Variants in CEP44 observed in about 807,000 individuals in gnomAD.
CEP44 encodes the protein centrosomal protein of 44 kDa.
Under a neutral mutation model 46.7 loss-of-function variants are expected in CEP44, and 45 were observed. The ratio of observed to expected loss-of-function variants is 0.96; its 90% confidence interval spans 0.76 to 1.24. The LOEUF is 1.24. Among genes scored for constraint, CEP44 ranks in the 50% most tolerant of loss-of-function variants. The probability of loss-of-function intolerance (pLI) is 0.00; values close to 1 mark genes in which losing one functional copy is unlikely to be tolerated. For missense variants in CEP44, 475 were observed against 459.7 expected, an observed-to-expected ratio of 1.03 and a Z score of -0.30; for synonymous variants, 142 against 146.0, an observed-to-expected ratio of 0.97 and a Z score of 0.20.
chr4:174,285,896 T>G (rs755984379), intron 1 of CEP44, among the ~76,000 whole-genome samples: 2 of 152,256 alleles, frequency 1.3e-5, no homozygotes, highest in Non-Finnish European at 2.9e-5. Flanking sequence ...TGTGTCCATC[T>G]ACCCCCAGTC....
At chr4:174,299,929 GATTA>G (rs906326794) in intron 3 of CEP44, among the ~76,000 whole-genome samples, 5 of 152,092 alleles carry the variant, frequency 3.3e-5, no homozygotes, top group African/African-American at 4.8e-5. Flanking sequence ...TTTTATCATT[GATTA>G]ATTGATGGAT....
chr4:174,303,509 C>T (rs558883653), intron 4 of CEP44, among the ~76,000 whole-genome samples, 194 bp from the exon 5 acceptor site: 1 of 152,154 alleles, frequency 6.6e-6, no homozygotes, highest in Non-Finnish European at 1.5e-5. Context: ...ACCTGTTTTC[C>T]ACCTGATACC....
intron 8 of CEP44, among the ~76,000 whole-genome samples, chr4:174,330,871 A>G (rs1731285671): frequency 6.7e-6 from 1 of 148,440 alleles, no homozygotes; most frequent in South Asian, 2.1e-4. Context: ...TTAACCTACT[A>G]AAAATATTTA....
At chr4:174,324,778 A>G (rs1742550549), downstream of CEP44, among the ~76,000 whole-genome samples, 1 of 152,096 alleles carries the variant, frequency 6.6e-6, no homozygotes, top group Non-Finnish European at 1.5e-5. Context: ...GTTCCATGCC[A>G]GCTGTGAAAT....
Position 174,283,973 on chromosome 4 carries a change from A to G in CEP44, c.-148+30A>G, listed in dbSNP as rs1737239952. ...GTGGCGGGCAGGAACCCACAATTCC[A>G]AATACAAACGGTCGGCGCGAGAAGC... On this transcript the variant is annotated intron_variant, in intron 1 of 11. Transcript: ENST00000503780. The surrounding 1 kb of genome is among the most constrained non-coding windows in gnomAD (Gnocchi z 6.7). 8 of 399,682 alleles carry G rather than the reference A, an allele frequency of 2.0e-5. No homozygotes were observed. The highest frequency in any genetic ancestry group is 3.5e-5 in the Non-Finnish European group (8 of 226,760). The allele number at this position is 399,682 out of a possible 1,614,324, so 24.8% of individuals were successfully genotyped here. A position where few individuals can be genotyped will look rare whatever the true frequency, so the allele number is the denominator to read the frequency against.
chr4:174,326,648 T>C lies in CEP44; in HGVS notation c.1087-4834T>C, dbSNP rs1183759598. Reference sequence around the variant, plus strand: ...TTTCTTCTTGATATAATTTTCCTTCTGCCTGAAGGGTTTCCTTTAACTTTT... The same window carrying C: ...TTTCTTCTTGATATAATTTTCCTTCCGCCTGAAGGGTTTCCTTTAACTTTT... On this transcript the variant is annotated intron_variant, in intron 8 of 8. Transcript: ENST00000426172. This position sits in a 1 kb window ranked among gnomAD's most constrained non-coding sequence, Gnocchi z 4.8. Among the ~76,000 whole-genome samples, 1 of 152,108 alleles carries C rather than the reference T, an allele frequency of 6.6e-6. No individual in the cohort carries two copies. The highest frequency in any genetic ancestry group is 1.9e-4 in the East Asian group (1 of 5,198).
At chr4:174,291,215 C>T (rs1032495598) in intron 1 of CEP44, among the ~76,000 whole-genome samples, 1 of 151,398 alleles carries the variant, frequency 6.6e-6, no homozygotes, top group Admixed American at 6.6e-5. Context: ...TTCTGTTTCT[C>T]CTGTTTTTCT....
intron 1 of CEP44, among the ~76,000 whole-genome samples, chr4:174,295,068 CG>C (rs1178344782): frequency 2.8e-5 from 4 of 143,256 alleles, no homozygotes. Context: ...GGCGGCTGGC[CG>C]GGCGGGGGGC....
At chr4:174,328,031 T>C (rs971912197) in intron 8 of CEP44, among the ~76,000 whole-genome samples, 2 of 152,164 alleles carry the variant, frequency 1.3e-5, no homozygotes, top group Admixed American at 1.3e-4. Context: ...AATTTGATAT[T>C]AAAATTAAAT....
chr4:174,331,503 A>G lies in CEP44; in HGVS notation c.1108A>G (p.Thr370Ala). 1 of 1,551,574 alleles carries G rather than the reference A, an allele frequency of 6.4e-7. No individual in the cohort carries two copies. The highest frequency in any genetic ancestry group is 8.7e-7 in the Non-Finnish European group (1 of 1,146,918). ...CTAGAATTTTCCTGCATGGAGTGCT[A>G]CATCCTCTTGTTCCAGTCTCAGCTG... Residue 370 changes from threonine (T) to alanine (A), a missense_variant, in exon 9 of 9, where the codon ACA (threonine) becomes GCA (alanine). Physicochemically the swap from Thr to Ala is moderately conservative, Grantham distance 58. Coordinates refer to the CEP44 transcript ENST00000426172. The surrounding 1 kb of genome is among the most constrained non-coding windows in gnomAD (Gnocchi z 4.5).
Position 174,297,651 on chromosome 4 carries a change from AGTGT to A in CEP44, c.-147-284_-147-281del, listed in dbSNP as rs70947423. Among the ~76,000 whole-genome samples, 19,992 of 148,952 alleles carry A rather than the reference AGTGT, an allele frequency of 0.13. 1,354 individuals are homozygous for A. Among genetic ancestry groups the A allele is most frequent in the Middle Eastern group, 0.2 (58 of 284 alleles). On this transcript the variant is annotated intron_variant, in intron 1 of 11. Transcript: ENST00000503780. This position sits in a 1 kb window ranked among gnomAD's most constrained non-coding sequence, Gnocchi z 4.3. Reference sequence around the variant, plus strand: ...CTGAGATATAGGAAGAAACTTTATTAGTGTGTGTGTGTGTGTGTGTGTGTGTGTG... The same window carrying A: ...CTGAGATATAGGAAGAAACTTTATTAGTGTGTGTGTGTGTGTGTGTGTGTG...
In CEP44 at chr4:174,331,764, T is replaced by A; in HGVS notation, c.*169T>A. 1.3e-6 allele frequency: 1 copy of A among 785,216 alleles called. No homozygotes were observed. Among genetic ancestry groups the A allele is most frequent in the Non-Finnish European group, 1.9e-6 (1 of 539,810 alleles). 48.6% of individuals were successfully genotyped at this position (785,216 alleles called of 1,614,324 possible). A position where few individuals can be genotyped will look rare whatever the true frequency, so the allele number is the denominator to read the frequency against. ...GACTTTTTCCTTCCTGCTACATGGGTAACACTTAGTTGTTTGTCTAATTTC... is the reference window on the plus strand; with the variant it reads ...GACTTTTTCCTTCCTGCTACATGGGAAACACTTAGTTGTTTGTCTAATTTC... On this transcript the variant is annotated 3_prime_UTR_variant, in exon 9 of 9. Transcript: ENST00000426172. The surrounding 1 kb of genome is among the most constrained non-coding windows in gnomAD (Gnocchi z 4.5).
rs1219771505 is a variant in CEP44 at position 174,297,914 on chromosome 4, T to C, written c.-147-52T>C. Reference sequence around the variant, plus strand: ...GGTTAGCTGCTTCTTATGTAGACTCTCAAATAATCATTCTTATTTCAGCCC... The same window carrying C: ...GGTTAGCTGCTTCTTATGTAGACTCCCAAATAATCATTCTTATTTCAGCCC... On this transcript the variant is annotated intron_variant, in intron 1 of 11. Coordinates refer to ENST00000503780, the MANE Select transcript of CEP44 (RefSeq NM_001040157.3). This position sits in a 1 kb window ranked among gnomAD's most constrained non-coding sequence, Gnocchi z 4.3. 2 of 152,146 alleles carry C rather than the reference T, an allele frequency of 1.3e-5. No homozygotes were observed. Among genetic ancestry groups the C allele is most frequent in the East Asian group, 3.9e-4 (2 of 5,176 alleles). The allele number at this position is 152,146 out of a possible 1,614,324, so 9.4% of individuals were successfully genotyped here.
chr4:174,316,473 C>G (rs1741728719), intron 10 of CEP44, 57 bp from the exon 11 acceptor site: 1 of 1,483,468 alleles, frequency 6.7e-7, no homozygotes, highest in Non-Finnish European at 9.3e-7. Flanking sequence ...CTCGGTCCAT[C>G]TTTGATGATG....
intron 9 of CEP44, among the ~76,000 whole-genome samples, chr4:174,313,447 G>A (rs556003867): frequency 6.6e-6 from 1 of 152,022 alleles, no homozygotes; most frequent in African/African-American, 2.4e-5. Context: ...TAGCAGGAAG[G>A]GTACATGTGA....
downstream of CEP44, among the ~76,000 whole-genome samples, chr4:174,321,423 A>G (rs189584865): frequency 4.4e-4 from 67 of 152,274 alleles, no homozygotes; most frequent in Non-Finnish European, 7.4e-4. Context: ...AATAATATAT[A>G]AATAGGAATT....
chr4:174,323,293 C>T (rs1251465013), downstream of CEP44, among the ~76,000 whole-genome samples: 1 of 152,112 alleles, frequency 6.6e-6, no homozygotes, highest in Non-Finnish European at 1.5e-5. Context: ...AAACTAAGGC[C>T]TTGAGAGGTT....
chr4:174,316,626 A>C (rs11732424), intron 11 of CEP44, 59 bp downstream of exon 11: 1 of 1,453,368 alleles, frequency 6.9e-7, no homozygotes, highest in Non-Finnish European at 9.4e-7. Context: ...GTATTGGATT[A>C]CAGTATATAT....
At position 174,331,620 on chromosome 4, in the gene CEP44, T is replaced by C; in HGVS notation, c.*25T>C. 6.5e-7 allele frequency: 1 copy of C among 1,549,744 alleles called. No individual in the cohort carries two copies. Among genetic ancestry groups the C allele is most frequent in the Non-Finnish European group, 8.7e-7 (1 of 1,146,066 alleles). On this transcript the variant is annotated 3_prime_UTR_variant, in exon 9 of 9. Transcript: ENST00000426172. The surrounding 1 kb of genome is among the most constrained non-coding windows in gnomAD (Gnocchi z 4.5). ...ATCTCTGTTTCTTGGATCCTGTGCT[T>C]ACCTTTTCCTGCTGTACTCTGATGT...
Sources: gnomAD v4.1 joint callset for allele counts (sites outside exome capture counted in the v4.1 genomes callset) on GRCh38, gnomAD v4.1.1 for gene constraint, Gnocchi (gnomAD v3.1) non-coding constraint, MANE v1.5 for transcripts, NCBI Gene and HGNC (gene_info 2026-07-23, HGNC 2026-07-21) for gene names.